Variants in TIAM1 observed in about 807,000 individuals in gnomAD.
TIAM1 encodes TIAM Rac1 associated GEF 1.
TIAM1 carries 65 observed loss-of-function variants against 163.5 expected under a neutral mutation model. The observed-to-expected ratio is 0.40, with a 90% CI of 0.33 to 0.49. TIAM1 has a LOEUF of 0.49. Ranked by LOEUF, TIAM1 falls within the 20% of genes least tolerant of loss-of-function variation. The pLI, the probability that TIAM1 is intolerant of heterozygous loss-of-function variation, is 0.77. For synonymous variants in TIAM1, 833 were observed against 810.1 expected (o/e 1.03, Z -0.48); for missense variants, 1,789 against 2,044.7 (o/e 0.87, Z 2.41).
rs141419805 is a variant in TIAM1 at position 31,119,255 on chromosome 21, T to A, written c.*1113A>T. On this transcript the variant is annotated 3_prime_UTR_variant, in exon 28 of 28. Transcript: ENST00000541036. The stretch of plus-strand genomic sequence containing the variant: ...AACACAAGAGAAGTTTTTAAAGAGG[T>A]TGTTCTGTTTAAAGGTTTGGTTATG... The A allele has an allele frequency of 3.3e-5, 5 of 152,608 alleles. No homozygotes were observed. The East Asian group carries it at 9.7e-4, about 29-fold the overall frequency. 9.5% of individuals were successfully genotyped at this position (152,608 alleles called of 1,614,324 possible). A position where few individuals can be genotyped will look rare whatever the true frequency, so the allele number is the denominator to read the frequency against.
At chr21:31,152,792 A>C in intron 18 of TIAM1, 31 bp from the exon 19 acceptor site, 1 of 1,610,360 alleles carries the variant, frequency 6.2e-7, no homozygotes, top group Non-Finnish European at 8.5e-7. Flanking sequence ...AATGCACCTC[A>C]TATCTCATTA....
At chr21:31,173,794 T>C (rs2084634774) in intron 15 of TIAM1, among the ~76,000 whole-genome samples, 3 of 152,220 alleles carry the variant, frequency 2.0e-5, no homozygotes, top group Admixed American at 2.0e-4. Flanking sequence ...TGTTAGCTTG[T>C]TGTGAAAGTC....
intron 1 of TIAM1, among the ~76,000 whole-genome samples, chr21:31,339,632 C>A (rs2075956945): frequency 6.6e-6 from 1 of 152,180 alleles, no homozygotes; most frequent in Non-Finnish European, 1.5e-5. Context: ...TTATCTATAG[C>A]TTTGTAGAAA....
At chr21:31,283,244 T>C (rs1017007217) in intron 2 of TIAM1, among the ~76,000 whole-genome samples, 9 of 152,176 alleles carry the variant, frequency 5.9e-5, no homozygotes, top group Non-Finnish European at 1.3e-4. Flanking sequence ...ACTACACCTT[T>C]GACTGACAGC....
intron 2 of TIAM1, among the ~76,000 whole-genome samples, chr21:31,378,029 A>C (rs895259761): frequency 6.6e-6 from 1 of 150,954 alleles, no homozygotes; most frequent in Non-Finnish European, 1.5e-5. Flanking sequence ...CCAGCTATTC[A>C]GGAGGCTGAG....
intron 1 of TIAM1, among the ~76,000 whole-genome samples, chr21:31,478,617 T>C (rs1569367429): frequency 6.6e-6 from 1 of 152,222 alleles, no homozygotes; most frequent in Non-Finnish European, 1.5e-5. Flanking sequence ...TTCTTTTTGT[T>C]TTTCTTTTTT....
chr21:31,277,585 C>A (rs1464331668), intron 2 of TIAM1, among the ~76,000 whole-genome samples: 1 of 152,152 alleles, frequency 6.6e-6, no homozygotes, highest in Non-Finnish European at 1.5e-5. Context: ...GTGGAGGTTG[C>A]AGTGAGCCAA....
chr21:31,543,411 G>A (rs1349713873), intron 1 of TIAM1, among the ~76,000 whole-genome samples: 3 of 152,224 alleles, frequency 2.0e-5, no homozygotes, highest in Non-Finnish European at 2.9e-5. Context: ...CCACAGCAGC[G>A]CCGTGGGAGA....
chr21:31,534,168 G>A (rs1006635678), intron 1 of TIAM1, among the ~76,000 whole-genome samples: 13 of 152,200 alleles, frequency 8.5e-5, no homozygotes, highest in African/African-American at 2.7e-4. Context: ...CAAAAACCAC[G>A]CTAGGCGCTG....
At chr21:31,509,318 T>C (rs1312062980) in intron 1 of TIAM1, among the ~76,000 whole-genome samples, 1 of 152,064 alleles carries the variant, frequency 6.6e-6, no homozygotes, top group Admixed American at 6.6e-5. Context: ...CTCCTGAATA[T>C]GACATGGAAA....
At chr21:31,273,288 C>T (rs1292774513) in intron 3 of TIAM1, among the ~76,000 whole-genome samples, 2 of 152,008 alleles carry the variant, frequency 1.3e-5, no homozygotes, top group Non-Finnish European at 2.9e-5. Context: ...TCCCTGTAAG[C>T]CAGAGAGAGT....
At chr21:31,270,699 A>G (rs2146834676) in intron 3 of TIAM1, among the ~76,000 whole-genome samples, 1 of 152,320 alleles carries the variant, frequency 6.6e-6, no homozygotes, top group South Asian at 2.1e-4. Context: ...CACTTTCTTA[A>G]AACACTATGA....
intron 11 of TIAM1, among the ~76,000 whole-genome samples, chr21:31,206,690 T>G (rs973227081): frequency 6.6e-6 from 1 of 152,210 alleles, no homozygotes; most frequent in Non-Finnish European, 1.5e-5. Flanking sequence ...TAAATTCGCA[T>G]CTTACTATGA....
intron 19 of TIAM1, among the ~76,000 whole-genome samples, chr21:31,149,165 T>C (rs2083271295): frequency 6.6e-6 from 1 of 152,024 alleles, no homozygotes; most frequent in South Asian, 2.1e-4. Context: ...AACAGCAAAG[T>C]GAAGGTATAT....
chr21:31,231,147 AG>A (rs137893458), intron 6 of TIAM1, among the ~76,000 whole-genome samples: 5,340 of 152,254 alleles, frequency 0.035, 312 homozygotes, highest in African/African-American at 0.12. Context: ...CACTGTGTCA[AG>A]ATAGAGCTTC....
At chr21:31,341,967 C>T (rs933720689) in intron 1 of TIAM1, among the ~76,000 whole-genome samples, 3 of 152,002 alleles carry the variant, frequency 2.0e-5, no homozygotes, top group African/African-American at 4.8e-5. Context: ...GGAAAAGGTA[C>T]AAATAACGCC....
At chr21:31,125,929 T>G in intron 26 of TIAM1, among the ~76,000 whole-genome samples, 1 of 152,206 alleles carries the variant, frequency 6.6e-6, no homozygotes, top group East Asian at 1.9e-4. Context: ...AAGCCTTGCT[T>G]CCCCATTTGT....
chr21:31,380,886 C>T (rs1241063613), intron 2 of TIAM1, among the ~76,000 whole-genome samples: 1 of 152,136 alleles, frequency 6.6e-6, no homozygotes, highest in Non-Finnish European at 1.5e-5. Context: ...AGGTTTAAGT[C>T]CCAACCCCTT....
Position 31,430,883 on chromosome 21 carries a change from A to C in TIAM1, c.-369+33100T>G, listed in dbSNP as rs137920398. Among the ~76,000 whole-genome samples the C allele has an allele frequency of 2.2e-3, 340 of 152,292 alleles. 2 individuals carry two copies. The highest frequency in any genetic ancestry group is 0.015 in the South Asian group (71 of 4,820). ...ACAGAATTGCAAATATGATTACTTCATTTCACTGCTAAAAACATCTTTGGT... is the reference window on the plus strand; with the variant it reads ...ACAGAATTGCAAATATGATTACTTCCTTTCACTGCTAAAAACATCTTTGGT... On this transcript the variant is annotated intron_variant, in intron 2 of 28. Coordinates refer to the TIAM1 transcript ENST00000286827.
Sources: allele counts gnomAD v4.1 joint callset (sites outside exome capture counted in the v4.1 genomes callset), GRCh38; gene constraint gnomAD v4.1.1; transcripts MANE v1.5; gene names NCBI Gene and HGNC (gene_info 2026-07-23, HGNC 2026-07-21).